CAMSAP1: variants seen among roughly 807,000 people sequenced by gnomAD.
CAMSAP1 encodes the protein calmodulin regulated spectrin associated protein 1.
In CAMSAP1, 58 loss-of-function variants were observed where a neutral mutation model predicts 143.5. That is an observed-to-expected ratio of 0.40 (90% CI 0.33 to 0.50). The LOEUF is 0.50. Ranked by LOEUF, CAMSAP1 falls within the 20% of genes least tolerant of loss-of-function variation. The probability of loss-of-function intolerance (pLI) is 0.45; values close to 1 mark genes in which losing one functional copy is unlikely to be tolerated. For missense variants in CAMSAP1, 1,969 were observed against 2,115.7 expected (o/e 0.93, Z 1.36); for synonymous variants, 945 against 859.3 (o/e 1.10, Z -1.74).
At chr9:135,853,323 C>T (rs989101746) in intron 5 of CAMSAP1, among the ~76,000 whole-genome samples, 1 of 152,192 alleles carries the variant, frequency 6.6e-6, no homozygotes, top group Non-Finnish European at 1.5e-5. Flanking sequence ...CAAGCAGGTG[C>T]TCCTGGGTAG....
chr9:135,845,845 C>T (rs1181195763), intron 7 of CAMSAP1, among the ~76,000 whole-genome samples: 2 of 152,006 alleles, frequency 1.3e-5, no homozygotes. Context: ...AACTACAAAC[C>T]ACTGCTCAAA....
Position 135,881,691 on chromosome 9 carries a change from C to A in CAMSAP1, c.527G>T (p.Ser176Ile). 1 of 1,551,810 alleles carries A rather than the reference C, an allele frequency of 6.4e-7. No homozygotes were observed. Among genetic ancestry groups the A allele is most frequent in the Non-Finnish European group, 8.7e-7 (1 of 1,147,022 alleles). The change falls in exon 3 of 17, where the codon AGT becomes ATT. Residue 176 changes from serine (S) to isoleucine (I), a missense_variant. Physicochemically the swap from Ser to Ile is moderately radical, Grantham distance 142 (BLOSUM62 -2). This residue lies in a region of CAMSAP1 where 221 missense variants were observed against 298.2 expected (regional missense o/e 0.74). Coordinates refer to ENST00000389532, the MANE Select transcript of CAMSAP1 (RefSeq NM_015447.4). ...GTCGTACGGAAGTTCTTTCGAGGCA[C>A]TGAACGTTGAGAAGCGCTTGACACT... Reference protein sequence around the residue: ...VASVKRFSTFSASKELPYDLE... With the variant: ...VASVKRFSTFIASKELPYDLE...
chr9:135,840,830 T>C (rs1196916433), intron 7 of CAMSAP1, among the ~76,000 whole-genome samples: 5 of 152,148 alleles, frequency 3.3e-5, no homozygotes, highest in Non-Finnish European at 7.4e-5. Flanking sequence ...ATACTATGCT[T>C]TTCCCACAGT....
At position 135,862,689 on chromosome 9, in the gene CAMSAP1, G is replaced by A. The variant is rs77079785; in HGVS notation, c.667-81C>T. ...TATGTTACAGGCACACTGTTAGATC[G>A]AGAATTAACATAACGCCTAACAGAC... On this transcript the variant is annotated intron_variant, in intron 4 of 16. Coordinates refer to ENST00000389532, the MANE Select transcript of CAMSAP1 (RefSeq NM_015447.4). 3,162 of 1,386,608 alleles carry A rather than the reference G, an allele frequency of 2.3e-3. 85 individuals carry two copies. The Admixed American group carries it at 0.044, about 19-fold the overall frequency. The allele number at this position is 1,386,608 out of a possible 1,614,324, so 85.9% of individuals were successfully genotyped here.
chr9:135,896,828 G>A (rs2131019220), intron 1 of CAMSAP1, among the ~76,000 whole-genome samples: 1 of 152,310 alleles, frequency 6.6e-6, no homozygotes, highest in Admixed American at 6.5e-5. Flanking sequence ...GGTGAGAGGT[G>A]GGGCCTTTCG....
Position 135,820,702 on chromosome 9 carries a change from A to G in CAMSAP1, c.3822+137T>C. The G allele has an allele frequency of 8.5e-7, 1 of 1,170,574 alleles. No homozygotes were observed. The highest frequency in any genetic ancestry group is 2.5e-5 in the Admixed American group (1 of 39,492). The allele number at this position is 1,170,574 out of a possible 1,614,324, so 72.5% of individuals were successfully genotyped here. ...CGGGACAGAGACTCTGTGGCCCACAAAGCTAAACACACACATCCCCTGGCC... is the reference window on the plus strand; with the variant it reads ...CGGGACAGAGACTCTGTGGCCCACAGAGCTAAACACACACATCCCCTGGCC... On this transcript the variant is annotated intron_variant, in intron 11 of 16. Coordinates refer to ENST00000389532, the MANE Select transcript of CAMSAP1 (RefSeq NM_015447.4). The surrounding 1 kb of genome is among the most constrained non-coding windows in gnomAD (Gnocchi z 4.4).
chr9:135,907,110 T>G lies in CAMSAP1; in HGVS notation c.50A>C (p.Glu17Ala), dbSNP rs1410763790. ...GTCGGCGGCGCCGTCCGGCGGGGCC[T>G]CCATCTTCCTCCAGCCCTCGGCGGC... ...RAAAEGWRKM[E>A]APPDGAADLV... The change falls in exon 1 of 17, where the codon GAG becomes GCG. Residue 17 changes from glutamate to alanine, a missense_variant. Physicochemically the swap from Glu to Ala is moderately radical, Grantham distance 107 (BLOSUM62 -1). Around this residue, in one of 4 missense-constraint regions of CAMSAP1, gnomAD observed 215 missense variants for 196.2 expected, o/e 1.10. Coordinates refer to ENST00000389532, the MANE Select transcript of CAMSAP1 (RefSeq NM_015447.4). 3 of 1,132,976 alleles carry G rather than the reference T, an allele frequency of 2.6e-6. No individual in the cohort carries two copies. Among genetic ancestry groups the G allele is most frequent in the African/African-American group, 3.3e-5 (2 of 60,064 alleles). The allele number at this position is 1,132,976 out of a possible 1,614,324, so 70.2% of individuals were successfully genotyped here. A position where few individuals can be genotyped will look rare whatever the true frequency, so the allele number is the denominator to read the frequency against.
At chr9:135,839,417 C>A (rs1244857146) in intron 7 of CAMSAP1, among the ~76,000 whole-genome samples, 1 of 152,178 alleles carries the variant, frequency 6.6e-6, no homozygotes, top group Non-Finnish European at 1.5e-5. Flanking sequence ...CAGCTACGTT[C>A]CCAGATGAGT....
rs1379900448 is a variant in CAMSAP1, at chr9:135,818,870, G to A, written c.3959+140C>T. On this transcript the variant is annotated intron_variant, in intron 12 of 16. Coordinates refer to ENST00000389532, the MANE Select transcript of CAMSAP1 (RefSeq NM_015447.4). The surrounding 1 kb of genome is among the most constrained non-coding windows in gnomAD (Gnocchi z 7.7). ...TCAGCAGGGGCCGTGAAAGTTCGGGGAGGTGGTCCATGGGAGGAGTAAGAC... is the reference window on the plus strand; with the variant it reads ...TCAGCAGGGGCCGTGAAAGTTCGGGAAGGTGGTCCATGGGAGGAGTAAGAC... The A allele has an allele frequency of 6.7e-6, 9 of 1,351,298 alleles. No individual in the cohort carries two copies. In the East Asian group the frequency reaches 2.0e-4, roughly 30 times the overall value. The allele number at this position is 1,351,298 out of a possible 1,614,324, so 83.7% of individuals were successfully genotyped here. A position where few individuals can be genotyped will look rare whatever the true frequency, so the allele number is the denominator to read the frequency against.
chr9:135,907,075 G>C lies in CAMSAP1; in HGVS notation c.85C>G (p.Leu29Val). 8.5e-7 allele frequency: 1 copy of C among 1,170,530 alleles called. No homozygotes were observed. The highest frequency in any genetic ancestry group is 1.1e-6 in the Non-Finnish European group (1 of 942,100). 72.5% of individuals were successfully genotyped at this position (1,170,530 alleles called of 1,614,324 possible). A position where few individuals can be genotyped will look rare whatever the true frequency, so the allele number is the denominator to read the frequency against. ...PPDGAADLVPLDRYDAARAKI... is the reference protein window; with the variant it reads ...PPDGAADLVPVDRYDAARAKI... ...GCGCGCGCCGCGTCGTAGCGGTCCA[G>C]GGGCACGAGGTCGGCGGCGCCGTCC... Residue 29 changes from leucine to valine, a missense_variant, in exon 1 of 17, where the codon CTG becomes GTG. This residue lies in a region of CAMSAP1 where 215 missense variants were observed against 196.2 expected (regional missense o/e 1.10). Transcript: ENST00000389532.
chr9:135,810,096 G>C lies in CAMSAP1; in HGVS notation c.*1213C>G, dbSNP rs563479184. 58 of 152,714 alleles carry C rather than the reference G, an allele frequency of 3.8e-4. No homozygotes were observed. The highest frequency in any genetic ancestry group is 1.3e-3 in the African/African-American group (55 of 41,580). 9.5% of individuals were successfully genotyped at this position (152,714 alleles called of 1,614,324 possible). On this transcript the variant is annotated 3_prime_UTR_variant, in exon 17 of 17. Coordinates refer to ENST00000389532, the MANE Select transcript of CAMSAP1 (RefSeq NM_015447.4). Reference sequence around the variant, plus strand: ...AGCTGGTCAGTTGCAGCAGTGTCTGGCAGCCATGGCTGGCACGCACCTGCT... The same window carrying C: ...AGCTGGTCAGTTGCAGCAGTGTCTGCCAGCCATGGCTGGCACGCACCTGCT...
chr9:135,853,947 G>C (rs1378656980), intron 5 of CAMSAP1, among the ~76,000 whole-genome samples: 5 of 152,226 alleles, frequency 3.3e-5, no homozygotes, highest in Admixed American at 3.3e-4. Flanking sequence ...TGAGATGACT[G>C]TAGAGAATCT....
intron 7 of CAMSAP1, among the ~76,000 whole-genome samples, chr9:135,843,650 T>A (rs1410489012): frequency 2.6e-5 from 4 of 151,838 alleles, no homozygotes; most frequent in African/African-American, 9.7e-5. Context: ...GACAGGTGGA[T>A]CACGAGGTCA....
intron 4 of CAMSAP1, among the ~76,000 whole-genome samples, chr9:135,863,767 G>A (rs997478958): frequency 1.3e-5 from 2 of 152,098 alleles, no homozygotes; most frequent in Non-Finnish European, 2.9e-5. Context: ...ACTACAAAAC[G>A]TGACCCGCCT....
intron 1 of CAMSAP1, among the ~76,000 whole-genome samples, chr9:135,896,324 T>A (rs1183871289): frequency 1.3e-5 from 2 of 152,048 alleles, no homozygotes; most frequent in African/African-American, 4.8e-5. Flanking sequence ...AAAGGATCAA[T>A]CTACCAGAAA....
chr9:135,856,093 CTAT>C, intron 5 of CAMSAP1, among the ~76,000 whole-genome samples: 1 of 152,222 alleles, frequency 6.6e-6, no homozygotes, highest in Non-Finnish European at 1.5e-5. Flanking sequence ...AAAAGCCAAA[CTAT>C]TTGTTTTGAA....
chr9:135,866,583 C>A (rs1412273856), intron 3 of CAMSAP1, 47 bp from the exon 4 acceptor site: 1 of 869,524 alleles, frequency 1.2e-6, no homozygotes, highest in Non-Finnish European at 1.9e-6. Context: ...CTGTCCCGCA[C>A]AATTGTATCT....
Position 135,809,700 on chromosome 9 carries a change from A to G in CAMSAP1, c.*1609T>C, listed in dbSNP as rs567078197. ...CACGTGTGAAAGTATGGTAACAGAAAGCTCACTCAGGACTGTGTAACTCAG... is the reference window on the plus strand; with the variant it reads ...CACGTGTGAAAGTATGGTAACAGAAGGCTCACTCAGGACTGTGTAACTCAG... On this transcript the variant is annotated 3_prime_UTR_variant, in exon 17 of 17. Coordinates refer to ENST00000389532, the MANE Select transcript of CAMSAP1 (RefSeq NM_015447.4). 1 of 152,780 alleles carries G rather than the reference A, an allele frequency of 6.5e-6. No individual in the cohort carries two copies. The highest frequency in any genetic ancestry group is 2.1e-4 in the South Asian group (1 of 4,830). 9.5% of individuals were successfully genotyped at this position (152,780 alleles called of 1,614,324 possible). A position where few individuals can be genotyped will look rare whatever the true frequency, so the allele number is the denominator to read the frequency against.
chr9:135,875,379 T>C (rs1265337389), intron 3 of CAMSAP1, among the ~76,000 whole-genome samples: 1 of 152,004 alleles, frequency 6.6e-6, no homozygotes, highest in East Asian at 1.9e-4. Flanking sequence ...CTGGCTAGTT[T>C]TTTGTATTTT....
Sources: allele counts gnomAD v4.1 joint callset (sites outside exome capture counted in the v4.1 genomes callset), GRCh38; gene constraint gnomAD v4.1.1; regional missense constraint gnomAD v4.1.1; non-coding constraint Gnocchi (gnomAD v3.1); transcripts MANE v1.5; gene names NCBI Gene and HGNC (gene_info 2026-07-23, HGNC 2026-07-21).